Variants in CNBD2 observed in about 807,000 individuals in gnomAD.
The protein encoded by CNBD2 is cyclic nucleotide binding domain containing 2, also known as cyclic nucleotide-binding domain-containing protein 2.
Under a neutral mutation model 63.7 loss-of-function variants are expected in CNBD2, and 64 were observed. The ratio of observed to expected loss-of-function variants is 1.00; its 90% CI spans 0.82 to 1.24. The LOEUF (loss-of-function observed/expected upper bound fraction) is 1.24. Ranked by LOEUF, CNBD2 falls within the 50% of genes most tolerant of loss-of-function variation. The probability of loss-of-function intolerance (pLI) is 0.00; values close to 1 mark genes in which losing one functional copy is unlikely to be tolerated. For synonymous variants in CNBD2, 229 were observed against 255.4 expected, an observed-to-expected ratio of 0.90 and a Z score of 0.99; for missense variants, 691 against 713.5, an observed-to-expected ratio of 0.97 and a Z score of 0.36.
At chr20:36,009,207 T>C (rs1485609169) in intron 9 of CNBD2, among the ~76,000 whole-genome samples, 3 of 150,100 alleles carry the variant, frequency 2.0e-5, no homozygotes, top group African/African-American at 7.3e-5. Flanking sequence ...TCTCTCTCTT[T>C]TTTTTTTTTT....
At chr20:35,980,377 A>G (rs1295088247) in intron 3 of CNBD2, 82 bp from the exon 4 acceptor site, 14 of 1,311,278 alleles carry the variant, frequency 1.1e-5, no homozygotes, top group Non-Finnish European at 1.5e-5. Flanking sequence ...GAGAGTGTAC[A>G]AGCAGGACTG....
intron 8 of CNBD2, among the ~76,000 whole-genome samples, chr20:36,005,900 G>A (rs751134975): frequency 4.0e-5 from 6 of 151,720 alleles, no homozygotes; most frequent in South Asian, 4.2e-4. Flanking sequence ...GCAGTGAGCC[G>A]AGATCAAGCC....
At chr20:36,011,585 C>A (rs2147332879) in intron 10 of CNBD2, among the ~76,000 whole-genome samples, 2 of 151,988 alleles carry the variant, frequency 1.3e-5, no homozygotes, top group East Asian at 3.9e-4. Context: ...AATCCAGGAA[C>A]AAGGCAAAGA....
At chr20:36,028,878 C>G (rs371333573) in intron 11 of CNBD2, among the ~76,000 whole-genome samples, 40 of 152,144 alleles carry the variant, frequency 2.6e-4, no homozygotes, top group African/African-American at 8.9e-4. Flanking sequence ...GTTTCACCAT[C>G]TTGGCCAGGC....
At chr20:35,968,003 TG>T (rs1452949359), upstream of CNBD2, among the ~76,000 whole-genome samples, 1 of 152,144 alleles carries the variant, frequency 6.6e-6, no homozygotes, top group Non-Finnish European at 1.5e-5. Context: ...CTTCTCCTTG[TG>T]GGGCAGGGCT....
chr20:36,022,301 C>T (rs1465109651), intron 10 of CNBD2, among the ~76,000 whole-genome samples: 2 of 144,852 alleles, frequency 1.4e-5, no homozygotes, highest in African/African-American at 2.6e-5. Flanking sequence ...CAGGTTCAAG[C>T]AATTCTCCTG....
chr20:35,959,436 T>G (rs2056288757), downstream of CNBD2: 1 of 152,500 alleles, frequency 6.6e-6, no homozygotes, highest in Non-Finnish European at 1.5e-5. Flanking sequence ...TAGGGAGGCC[T>G]CACAATCGTG....
chr20:36,009,661 G>A (rs6060751), intron 9 of CNBD2, among the ~76,000 whole-genome samples: 28,257 of 151,772 alleles, frequency 0.19, 2,854 homozygotes, highest in South Asian at 0.41. Context: ...GTGAAACCCC[G>A]TCTCTACTAA....
intron 1 of CNBD2, among the ~76,000 whole-genome samples, chr20:35,971,332 A>G (rs559505146): frequency 2.5e-4 from 38 of 152,324 alleles, no homozygotes; most frequent in African/African-American, 8.7e-4. Context: ...AAAAATAATG[A>G]CATTACCCAC....
intron 10 of CNBD2, among the ~76,000 whole-genome samples, chr20:36,018,040 T>A (rs949361360): frequency 1.3e-5 from 2 of 152,244 alleles, no homozygotes; most frequent in African/African-American, 4.8e-5. Context: ...AGAGTCCCCA[T>A]ATGCCCCACG....
chr20:35,986,293 C>T, intron 6 of CNBD2, among the ~76,000 whole-genome samples: 1 of 151,968 alleles, frequency 6.6e-6, no homozygotes, highest in East Asian at 1.9e-4. Flanking sequence ...GCTTCATCCC[C>T]TGGAAAAGTG....
At chr20:35,971,839 A>G (rs1211664846) in intron 1 of CNBD2, among the ~76,000 whole-genome samples, 1 of 152,088 alleles carries the variant, frequency 6.6e-6, no homozygotes. Flanking sequence ...TCATCATGAA[A>G]TTGACTTTTT....
chr20:35,980,650 C>T (rs201129627), intron 4 of CNBD2, 28 bp downstream of exon 4: 13 of 1,609,964 alleles, frequency 8.1e-6, no homozygotes, highest in Non-Finnish European at 5.9e-6. Context: ...CCCTTGGCCA[C>T]CAGGCTGAGG....
chr20:35,956,195 T>C (rs540140526), downstream of CNBD2, among the ~76,000 whole-genome samples: 142 of 152,326 alleles, frequency 9.3e-4, 1 homozygote, highest in South Asian at 0.029. Context: ...AACTTACCCC[T>C]ACCATAGGAT....
At chr20:35,986,371 A>C (rs1053366306) in intron 6 of CNBD2, among the ~76,000 whole-genome samples, 31 of 152,022 alleles carry the variant, frequency 2.0e-4, no homozygotes, top group Non-Finnish European at 4.0e-4. Context: ...TCTGGCTCCA[A>C]TCTCAGCTCT....
Position 35,984,729 on chromosome 20 carries a change from C to G in CNBD2, c.667C>G (p.Leu223Val), listed in dbSNP as rs912341850. Residue 223 changes from leucine (L) to valine (V), a missense_variant, in exon 6 of 12, where the codon CTG becomes GTG. Physicochemically the swap from Leu to Val is conservative, Grantham distance 32 (BLOSUM62 1). Transcript: ENST00000373973. ...CCGGGAGGACTTCTTTGCTAATAAGCTGGACCAGGAAGTTCAGAAGGATGC... is the reference window on the plus strand; with the variant it reads ...CCGGGAGGACTTCTTTGCTAATAAGGTGGACCAGGAAGTTCAGAAGGATGC... ...VDREDFFANKLDQEVQKDAQY... is the reference protein window; with the variant it reads ...VDREDFFANKVDQEVQKDAQY... 1 of 1,614,072 alleles carries G rather than the reference C, an allele frequency of 6.2e-7. No homozygotes were observed. The highest frequency in any genetic ancestry group is 8.5e-7 in the Non-Finnish European group (1 of 1,180,032).
At chr20:36,002,509 T>G (rs1445356780) in intron 8 of CNBD2, among the ~76,000 whole-genome samples, 1 of 152,210 alleles carries the variant, frequency 6.6e-6, no homozygotes, top group African/African-American at 2.4e-5. Flanking sequence ...CAGGCTGGTC[T>G]CAAACACCTG....
intron 10 of CNBD2, among the ~76,000 whole-genome samples, chr20:36,021,808 A>G (rs2057211985): frequency 6.6e-6 from 1 of 152,170 alleles, no homozygotes; most frequent in Admixed American, 6.5e-5. Flanking sequence ...GGAAGCAAGT[A>G]TGCCTGTGGA....
chr20:36,019,416 G>A (rs548926391), intron 10 of CNBD2, among the ~76,000 whole-genome samples: 7 of 151,602 alleles, frequency 4.6e-5, no homozygotes, highest in Admixed American at 1.3e-4. Flanking sequence ...CCAGCTACTC[G>A]GGAGGCTGAG....
Sources: allele counts gnomAD v4.1 joint callset (sites outside exome capture counted in the v4.1 genomes callset), GRCh38; gene constraint gnomAD v4.1.1; transcripts MANE v1.5; gene names NCBI Gene and HGNC (gene_info 2026-07-23, HGNC 2026-07-21).